The following NAA38 variants were observed in gnomAD, a reference collection of about 807,000 sequenced individuals.
NAA38 encodes the protein N-alpha-acetyltransferase 38, NatC auxiliary subunit.
Under a neutral mutation model 12.6 loss-of-function variants are expected in NAA38, and 15 were observed. That is an observed-to-expected ratio of 1.19 (90% CI 0.79 to 1.83). NAA38 has a LOEUF of 1.83. Ranked by LOEUF, NAA38 falls within the 40% of genes most tolerant of loss-of-function variation. The pLI is 0.00. For missense variants in NAA38, 183 were observed against 171.7 expected, an observed-to-expected ratio of 1.07 and a Z score of -0.37; for synonymous variants, 88 against 69.9, an observed-to-expected ratio of 1.26 and a Z score of -1.29.
chr17:7,857,734 C>T (rs991432420), upstream of NAA38: 3 of 1,280,878 alleles, frequency 2.3e-6, no homozygotes, highest in Middle Eastern at 3.0e-4. Context: ...TGGAATTTAG[C>T]GAGAATACAT....
intron 1 of NAA38, 51 bp from the exon 2 acceptor site, chr17:7,857,249 C>A: frequency 6.2e-7 from 1 of 1,610,126 alleles, no homozygotes; most frequent in Non-Finnish European, 8.5e-7. Context: ...GCTGCCCGCC[C>A]GCGGAACCAC....
At chr17:7,877,032 T>C in intron 2 of NAA38, 1 of 382,214 alleles carries the variant, frequency 2.6e-6, no homozygotes, top group South Asian at 1.9e-5. Flanking sequence ...CTGATTGTAC[T>C]TTGCTTACAC....
At chr17:7,879,866 G>A (rs1374654315) in intron 2 of NAA38, among the ~76,000 whole-genome samples, 1 of 151,854 alleles carries the variant, frequency 6.6e-6, no homozygotes, top group Non-Finnish European at 1.5e-5. Flanking sequence ...AGAGAAACCT[G>A]GAAACACAGA....
chr17:7,873,205 T>A (rs887895706), intron 2 of NAA38, among the ~76,000 whole-genome samples: 1 of 152,228 alleles, frequency 6.6e-6, no homozygotes, highest in African/African-American at 2.4e-5. Context: ...CCCAGGTTCT[T>A]AAGTACCATG....
intron 3 of NAA38, chr17:7,863,120 AG>A (rs1408564880): frequency 6.6e-6 from 1 of 152,194 alleles, no homozygotes; most frequent in Non-Finnish European, 1.5e-5. Flanking sequence ...GAGCTGACAA[AG>A]GGATAAAGAC....
chr17:7,868,124 T>C lies in NAA38; in HGVS notation c.-65-1566A>G, dbSNP rs551834761. Among the ~76,000 whole-genome samples the C allele has an allele frequency of 3.9e-5, 6 of 152,234 alleles. No individual in the cohort carries two copies. In the South Asian group the frequency reaches 1.2e-3, roughly 32 times the overall value. ...GGGAATTATTGGCAGATAGCAGCTGTAGCCAGTCAAGGATCAGATCCCCTT... is the reference window on the plus strand; with the variant it reads ...GGGAATTATTGGCAGATAGCAGCTGCAGCCAGTCAAGGATCAGATCCCCTT... On this transcript the variant is annotated intron_variant, in intron 2 of 4. Transcript: ENST00000576861.
At chr17:7,884,155 G>A (rs972778596) in intron 1 of NAA38, among the ~76,000 whole-genome samples, 1 of 151,648 alleles carries the variant, frequency 6.6e-6, no homozygotes, top group African/African-American at 2.4e-5. Context: ...TGAAAAAGGA[G>A]AAATTTGTGG....
At chr17:7,882,714 C>T (rs1967297189) in intron 2 of NAA38, among the ~76,000 whole-genome samples, 2 of 152,064 alleles carry the variant, frequency 1.3e-5, no homozygotes, top group African/African-American at 2.4e-5. Context: ...AAACCAACAC[C>T]CAATAAAGTG....
intron 2 of NAA38, chr17:7,877,042 C>T (rs143743966): frequency 2.6e-6 from 1 of 389,644 alleles, no homozygotes; most frequent in East Asian, 1.0e-4. Flanking sequence ...TTTGCTTACA[C>T]ATTTTTCACT....
intron 2 of NAA38, among the ~76,000 whole-genome samples, chr17:7,867,210 GAGACGCTGAGCC>G (rs1967000378): frequency 6.6e-6 from 1 of 152,136 alleles, no homozygotes; most frequent in South Asian, 2.1e-4. Flanking sequence ...AAGCCAATGA[GAGACGCTGAGCC>G]AGACCAAATC....
At chr17:7,857,293 G>C in intron 1 of NAA38, 90 bp downstream of exon 1, 1 of 1,612,158 alleles carries the variant, frequency 6.2e-7, no homozygotes, top group South Asian at 1.1e-5. Flanking sequence ...CTCACACAAA[G>C]CCCAGAGGCT....
At chr17:7,857,250 G>A (rs2078830272) in intron 1 of NAA38, 52 bp from the exon 2 acceptor site, 1 of 1,609,946 alleles carries the variant, frequency 6.2e-7, no homozygotes, top group Non-Finnish European at 8.5e-7. Flanking sequence ...CTGCCCGCCC[G>A]CGGAACCACA....
upstream of NAA38, chr17:7,858,634 G>A (rs2078855162): frequency 6.2e-7 from 1 of 1,604,816 alleles, no homozygotes; most frequent in Non-Finnish European, 8.5e-7. Flanking sequence ...CCGCTGACCG[G>A]CTGCCTGAGG....
intron 2 of NAA38, among the ~76,000 whole-genome samples, chr17:7,882,452 G>C (rs931906437): frequency 1.2e-4 from 18 of 152,238 alleles, no homozygotes; most frequent in African/African-American, 3.9e-4. Context: ...ACGTAGAGGT[G>C]ACAGAGCCTG....
chr17:7,882,038 G>GAA (rs1967282189), intron 2 of NAA38, among the ~76,000 whole-genome samples: 1 of 151,664 alleles, frequency 6.6e-6, no homozygotes, highest in Non-Finnish European at 1.5e-5. Flanking sequence ...GAGAGAGAGA[G>GAA]AACAGAAAGA....
In NAA38 at chr17:7,857,093, G is replaced by A; in HGVS notation, c.187C>T (p.Leu63=). 5.0e-6 allele frequency: 8 copies of A among 1,613,582 alleles called. No homozygotes were observed. The highest frequency in any genetic ancestry group is 6.8e-6 in the Non-Finnish European group (8 of 1,180,046). The part of the protein sequence containing the change: ...MRIRMTDGRT[L]VGCFLCTDRD... ...TCAGTGCAGAGGAAGCAGCCGACCA[G>A]TGTCCGTCCATCTGTCATGCGAATG... The change falls in exon 2 of 3, where the codon CTG becomes TTG. Residue 63 remains leucine, a synonymous_variant. Coordinates refer to ENST00000575771, the MANE Select transcript of NAA38 (RefSeq NM_001320925.4).
chr17:7,874,682 T>G (rs1967142382), intron 2 of NAA38, among the ~76,000 whole-genome samples: 1 of 151,428 alleles, frequency 6.6e-6, no homozygotes, highest in African/African-American at 2.4e-5. Context: ...GGTCAGGAGT[T>G]TGAGACCAGC....
chr17:7,882,506 AC>A (rs1276043418), intron 2 of NAA38, among the ~76,000 whole-genome samples: 2 of 152,268 alleles, frequency 1.3e-5, no homozygotes, highest in South Asian at 2.1e-4. Context: ...AAAAACAAAG[AC>A]ATAAATAGAG....
upstream of NAA38, chr17:7,858,063 G>T: frequency 1.3e-6 from 2 of 1,579,666 alleles, no homozygotes; most frequent in Non-Finnish European, 1.7e-6. Flanking sequence ...GACGGAGGTC[G>T]TAGTAGTAGT....
Sources: allele counts gnomAD v4.1 joint callset (sites outside exome capture counted in the v4.1 genomes callset), GRCh38; gene constraint gnomAD v4.1.1; transcripts MANE v1.5; gene names NCBI Gene and HGNC (gene_info 2026-07-23, HGNC 2026-07-21).